Variants in SFRP1 observed in about 807,000 individuals in gnomAD.
SFRP1 encodes the protein secreted frizzled-related protein 1.
Under a neutral mutation model 25.9 loss-of-function variants are expected in SFRP1, and 9 were observed. The ratio of observed to expected loss-of-function variants is 0.35; its 90% confidence interval spans 0.21 to 0.61. SFRP1 has a LOEUF of 0.61. Ranked by LOEUF, SFRP1 falls within the 20% of genes least tolerant of loss-of-function variation. The pLI is 0.78. For missense variants in SFRP1, 346 were observed against 418.2 expected (o/e 0.83, Z 1.51); for synonymous variants, 178 against 174.0 (o/e 1.02, Z -0.18).
intron 2 of SFRP1, among the ~76,000 whole-genome samples, chr8:41,299,955 GAGCC>G (rs1204758275): frequency 2.0e-5 from 3 of 152,158 alleles, no homozygotes; most frequent in Non-Finnish European, 4.4e-5. Flanking sequence ...ATTAGATACA[GAGCC>G]TGCTCTCAGG....
At chr8:41,290,218 T>G (rs576108461) in intron 2 of SFRP1, among the ~76,000 whole-genome samples, 1 of 152,236 alleles carries the variant, frequency 6.6e-6, no homozygotes, top group African/African-American at 2.4e-5. Context: ...CAGACACCCA[T>G]ATCTCGCAGA....
At chr8:41,277,094 T>C (rs925433178) in intron 2 of SFRP1, 1 of 452,020 alleles carries the variant, frequency 2.2e-6, no homozygotes, top group Non-Finnish European at 4.5e-6. Flanking sequence ...TGCTGCCTGG[T>C]GTGATTTCAT....
intron 2 of SFRP1, among the ~76,000 whole-genome samples, chr8:41,288,526 T>A (rs1803735468): frequency 1.4e-5 from 1 of 70,086 alleles, no homozygotes; most frequent in Admixed American, 2.5e-4. Flanking sequence ...AAAGAGACCC[T>A]GTCCAAAAAA....
At chr8:41,270,531 T>C (rs1299533084) in intron 2 of SFRP1, among the ~76,000 whole-genome samples, 2 of 152,098 alleles carry the variant, frequency 1.3e-5, no homozygotes, top group African/African-American at 2.4e-5. Context: ...ATGCTCCTGA[T>C]TGGGGCCCCC....
intron 1 of SFRP1, among the ~76,000 whole-genome samples, chr8:41,304,341 A>G (rs1218910647): frequency 6.6e-6 from 1 of 152,208 alleles, no homozygotes; most frequent in African/African-American, 2.4e-5. Flanking sequence ...AGTGGAGGTA[A>G]AGGACTCCAG....
intron 2 of SFRP1, among the ~76,000 whole-genome samples, chr8:41,286,745 T>C (rs1803710872): frequency 6.6e-6 from 1 of 152,204 alleles, no homozygotes; most frequent in Non-Finnish European, 1.5e-5. Flanking sequence ...TAGGAACTCA[T>C]TTCAAGGGTA....
At chr8:41,291,082 G>C (rs1160705302) in intron 2 of SFRP1, among the ~76,000 whole-genome samples, 1 of 149,636 alleles carries the variant, frequency 6.7e-6, no homozygotes, top group African/African-American at 2.5e-5. Context: ...ATTTTTTTTT[G>C]TATTTTTAGT....
chr8:41,303,337 GGAGAGGAA>G (rs2117519742), intron 2 of SFRP1, 116 bp downstream of exon 2: 1 of 731,842 alleles, frequency 1.4e-6, no homozygotes, highest in South Asian at 1.6e-5. Flanking sequence ...GCAGCCATTT[GGAGAGGAA>G]TGAGGTAGAG....
intron 2 of SFRP1, among the ~76,000 whole-genome samples, chr8:41,270,821 C>CAAAA (rs5891135): frequency 8.1e-6 from 1 of 122,778 alleles, no homozygotes; most frequent in African/African-American, 3.0e-5. Flanking sequence ...GACTCCATCT[C>CAAAA]AAAAAAAAAA....
At chr8:41,273,320 T>C (rs369594142) in intron 2 of SFRP1, among the ~76,000 whole-genome samples, 14 of 152,082 alleles carry the variant, frequency 9.2e-5, no homozygotes, top group African/African-American at 3.1e-4. Context: ...CAAAACTCTG[T>C]CTCTACTAAA....
rs116748252 is a variant in SFRP1 at position 41,287,991 on chromosome 8, G to A, written c.622+15470C>T. On this transcript the variant is annotated intron_variant, in intron 2 of 2. Coordinates refer to ENST00000220772, the MANE Select transcript of SFRP1 (RefSeq NM_003012.5). ...CATGGCAGCTCATGCCTATAGGCAG[G>A]AGGATAACTTGAGGCCAGGAGTTCA... Among the ~76,000 whole-genome samples the A allele has an allele frequency of 1.7e-3, 266 of 152,266 alleles. 2 individuals are homozygous for A. Among genetic ancestry groups the A allele is most frequent in the African/African-American group, 6.0e-3 (249 of 41,544 alleles).
intron 2 of SFRP1, among the ~76,000 whole-genome samples, chr8:41,300,654 A>ACTGAG (rs1307527159): frequency 6.6e-6 from 1 of 152,232 alleles, no homozygotes; most frequent in Non-Finnish European, 1.5e-5. Flanking sequence ...GGCTGTGGGT[A>ACTGAG]CTGAGCTGTT....
chr8:41,290,033 CACAG>C (rs1254529898), intron 2 of SFRP1, among the ~76,000 whole-genome samples: 3 of 152,248 alleles, frequency 2.0e-5, no homozygotes, highest in African/African-American at 4.8e-5. Context: ...GCTATGCACA[CACAG>C]ACAGACGCAC....
At chr8:41,275,090 T>A (rs200468646) in intron 2 of SFRP1, 7 of 373,644 alleles carry the variant, frequency 1.9e-5, no homozygotes, top group South Asian at 1.3e-4. Context: ...ACAAAATCAA[T>A]TGGGTTAGAA....
In SFRP1 at chr8:41,264,432, G is replaced by A. The variant is rs1462279681; in HGVS notation, c.*735C>T. On this transcript the variant is annotated 3_prime_UTR_variant, in exon 3 of 3. Coordinates refer to ENST00000220772, the MANE Select transcript of SFRP1 (RefSeq NM_003012.5). ...TTTTTCTGACACAAAGGCAGGCACA[G>A]GCTGCCCCTCCACATGTCTTGGGGA... is the stretch of plus-strand genomic sequence containing the variant. 6.6e-6 allele frequency: 1 copy of A among 152,198 alleles called. No individual in the cohort carries two copies. Among genetic ancestry groups the A allele is most frequent in the East Asian group, 1.9e-4 (1 of 5,184 alleles). The allele number at this position is 152,198 out of a possible 1,614,324, so 9.4% of individuals were successfully genotyped here. A position where few individuals can be genotyped will look rare whatever the true frequency, so the allele number is the denominator to read the frequency against.
At chr8:41,288,025 C>T (rs1803728157) in intron 2 of SFRP1, among the ~76,000 whole-genome samples, 1 of 151,762 alleles carries the variant, frequency 6.6e-6, no homozygotes, top group South Asian at 2.1e-4. Context: ...CAAGACCAGC[C>T]TGGGCCACAT....
At chr8:41,298,261 T>C (rs1204061160) in intron 2 of SFRP1, 1 of 152,218 alleles carries the variant, frequency 6.6e-6, no homozygotes, top group Non-Finnish European at 1.5e-5. Flanking sequence ...GTGTTCCGTA[T>C]TTTTAAAGAA....
In SFRP1 at chr8:41,265,159, C is replaced by CCCCG; in HGVS notation, c.*7_*8insCGGG. 1.9e-6 allele frequency: 3 copies of CCCCG among 1,545,022 alleles called. No homozygotes were observed. The highest frequency in any genetic ancestry group is 1.2e-5 in the South Asian group (1 of 83,776). On this transcript the variant is annotated 3_prime_UTR_variant, in exon 3 of 3. Coordinates refer to ENST00000220772, the MANE Select transcript of SFRP1 (RefSeq NM_003012.5). ...CGAGGCTCCCTCCCCACCCTGCCCC[C>CCCCG]GGGAGAATCACTTAAACACGGACTG...
intron 2 of SFRP1, among the ~76,000 whole-genome samples, chr8:41,290,969 C>T (rs1157029889): frequency 1.6e-5 from 2 of 123,726 alleles, no homozygotes; most frequent in Admixed American, 1.0e-4. Flanking sequence ...TGCAGTGGCG[C>T]GATCTCGGCT....
Sources: allele counts gnomAD v4.1 joint callset (sites outside exome capture counted in the v4.1 genomes callset), GRCh38; gene constraint gnomAD v4.1.1; transcripts MANE v1.5; gene names NCBI Gene and HGNC (gene_info 2026-07-23, HGNC 2026-07-21).